PTPRG: variants seen among roughly 807,000 people sequenced by gnomAD.
PTPRG encodes protein tyrosine phosphatase receptor type G, also known as receptor-type tyrosine-protein phosphatase gamma.
A neutral mutation model predicts 165.3 loss-of-function variants in PTPRG; 102 were observed. That is an observed-to-expected ratio of 0.62 (90% CI 0.53 to 0.73). The LOEUF (loss-of-function observed/expected upper bound fraction) is 0.73, where lower values mean the gene tolerates loss of function less well. Ranked by LOEUF, PTPRG falls within the 30% of genes least tolerant of loss-of-function variation. The probability of loss-of-function intolerance (pLI) is 0.00; values close to 1 mark genes in which losing one functional copy is unlikely to be tolerated. For synonymous variants in PTPRG, 675 were observed against 669.5 expected, an observed-to-expected ratio of 1.01 and a Z score of -0.13; for missense variants, 1,866 against 1,861.4, an observed-to-expected ratio of 1.00 and a Z score of -0.05.
chr3:62,174,421 G>GT (rs1029254776), intron 8 of PTPRG, among the ~76,000 whole-genome samples: 42 of 152,230 alleles, frequency 2.8e-4, no homozygotes, highest in Non-Finnish European at 4.1e-4. Flanking sequence ...CCGATGTCGT[G>GT]TTTTTTTGGT....
intron 6 of PTPRG, among the ~76,000 whole-genome samples, chr3:62,153,125 T>C (rs1318575483): frequency 3.3e-5 from 5 of 152,220 alleles, no homozygotes; most frequent in Admixed American, 3.3e-4. Flanking sequence ...ATCTTCAAAT[T>C]CACCTCTTGG....
intron 5 of PTPRG, among the ~76,000 whole-genome samples, chr3:62,079,043 A>C (rs1179416946): frequency 6.6e-6 from 1 of 152,220 alleles, no homozygotes; most frequent in East Asian, 1.9e-4. Flanking sequence ...TTCACCAATG[A>C]GTCTCTGTTG....
intron 2 of PTPRG, chr3:61,750,441 A>T (rs563980845): frequency 6.6e-6 from 1 of 152,364 alleles, no homozygotes; most frequent in East Asian, 1.9e-4. Context: ...AAGAATGACC[A>T]TAAGTGGTGC....
chr3:62,194,696 G>A (rs926244371), intron 9 of PTPRG, among the ~76,000 whole-genome samples: 4 of 152,164 alleles, frequency 2.6e-5, no homozygotes, highest in Middle Eastern at 3.4e-3. Context: ...CCAGCTACTC[G>A]GGAGGCTGAG....
At chr3:61,781,731 A>G (rs2034549638) in intron 2 of PTPRG, among the ~76,000 whole-genome samples, 1 of 151,942 alleles carries the variant, frequency 6.6e-6, no homozygotes, top group Admixed American at 6.6e-5. Context: ...GAATTTATTA[A>G]TTTCTCTTTT....
chr3:62,232,421 T>G (rs1700922437), intron 14 of PTPRG, among the ~76,000 whole-genome samples: 1 of 152,214 alleles, frequency 6.6e-6, no homozygotes. Flanking sequence ...GGATAGAAAC[T>G]GAAATAGAAA....
chr3:62,097,070 A>G (rs749186286), intron 5 of PTPRG, among the ~76,000 whole-genome samples: 10 of 150,388 alleles, frequency 6.6e-5, no homozygotes, highest in Non-Finnish European at 1.5e-4. Flanking sequence ...TCAGAAACAC[A>G]AAGACACCCC....
chr3:62,070,981 A>T (rs1701191554), intron 4 of PTPRG, among the ~76,000 whole-genome samples: 1 of 151,224 alleles, frequency 6.6e-6, no homozygotes, highest in Non-Finnish European at 1.5e-5. Flanking sequence ...CCACCTCCTC[A>T]GTTCTGTTGT....
intron 2 of PTPRG, among the ~76,000 whole-genome samples, chr3:61,798,619 GTTTT>G (rs375412571): frequency 7.8e-6 from 1 of 128,138 alleles, no homozygotes; most frequent in Non-Finnish European, 1.6e-5. Flanking sequence ...GTTGCTGCTG[GTTTT>G]TTTTTTTTTT....
At chr3:61,995,685 T>C (rs111270871) in intron 3 of PTPRG, among the ~76,000 whole-genome samples, 3,289 of 18,734 alleles carry the variant, frequency 0.18, 188 homozygotes, top group African/African-American at 0.25. Context: ...CCCGCCCGCC[T>C]TCCTTCCTTC....
intron 2 of PTPRG, among the ~76,000 whole-genome samples, chr3:61,827,521 C>G (rs573242838): frequency 6.6e-6 from 1 of 152,276 alleles, no homozygotes; most frequent in South Asian, 2.1e-4. Context: ...ATGTCCTTCT[C>G]GTGACCTCAT....
intron 1 of PTPRG, among the ~76,000 whole-genome samples, chr3:61,651,779 G>A (rs560781546): frequency 5.3e-5 from 8 of 152,210 alleles, no homozygotes; most frequent in Non-Finnish European, 8.8e-5. Flanking sequence ...GGAGGCCGAG[G>A]TAGGTGGATC....
chr3:62,279,131 A>G (rs1252850730), intron 26 of PTPRG, among the ~76,000 whole-genome samples: 3 of 152,014 alleles, frequency 2.0e-5, no homozygotes, highest in East Asian at 1.9e-4. Context: ...CTAAAGATTG[A>G]TATCTCTGAG....
chr3:62,135,240 C>T (rs1352308685), intron 6 of PTPRG, among the ~76,000 whole-genome samples: 1 of 144,554 alleles, frequency 6.9e-6, no homozygotes, highest in Non-Finnish European at 1.5e-5. Flanking sequence ...TGCCAGCCTC[C>T]AGCCTGGGTG....
intron 2 of PTPRG, among the ~76,000 whole-genome samples, chr3:61,942,879 A>G (rs2039667749): frequency 6.6e-6 from 1 of 152,250 alleles, no homozygotes; most frequent in African/African-American, 2.4e-5. Flanking sequence ...GAAATGAGTG[A>G]AATCTCCTTT....
chr3:62,227,710 A>T (rs546787349), intron 13 of PTPRG, among the ~76,000 whole-genome samples: 1 of 152,292 alleles, frequency 6.6e-6, no homozygotes, highest in Non-Finnish European at 1.5e-5. Context: ...GGCACTGGAG[A>T]GCCATTGAGG....
At chr3:62,149,014 G>A (rs536521776) in intron 6 of PTPRG, among the ~76,000 whole-genome samples, 8 of 152,142 alleles carry the variant, frequency 5.3e-5, no homozygotes, top group South Asian at 2.1e-4. Flanking sequence ...TTGAGACCTC[G>A]ATTTCCCCAT....
intron 13 of PTPRG, 52 bp from the exon 14 acceptor site, chr3:62,231,173 A>G (rs1377798269): frequency 2.9e-6 from 4 of 1,371,312 alleles, no homozygotes; most frequent in Non-Finnish European, 3.9e-6. Flanking sequence ...TTGGTGGCCA[A>G]TTGAAAATAC....
chr3:62,277,489 C>T, intron 25 of PTPRG, 62 bp from the exon 26 acceptor site: 3 of 1,538,706 alleles, frequency 1.9e-6, no homozygotes, highest in Non-Finnish European at 1.8e-6. Flanking sequence ...ATATATTTTA[C>T]TACCACAAAG....
Sources: gnomAD v4.1 joint callset for allele counts (sites outside exome capture counted in the v4.1 genomes callset) on GRCh38, gnomAD v4.1.1 for gene constraint, MANE v1.5 for transcripts, NCBI Gene and HGNC (gene_info 2026-07-23, HGNC 2026-07-21) for gene names.